The following IL1RAPL1 variants were observed in gnomAD, a reference collection of about 807,000 sequenced individuals.
IL1RAPL1 encodes interleukin-1 receptor accessory protein-like 1.
Under a neutral mutation model 48.4 loss-of-function variants are expected in IL1RAPL1, and 3 were observed. That is an observed-to-expected ratio of 0.06 (90% CI 0.03 to 0.16). IL1RAPL1 has a LOEUF of 0.16. Among genes scored for constraint, IL1RAPL1 ranks in the 10% least tolerant of loss-of-function variants. The probability of loss-of-function intolerance (pLI) is 1.00; values close to 1 mark genes in which losing one functional copy is unlikely to be tolerated. For synonymous variants in IL1RAPL1, 185 were observed against 187.7 expected (o/e 0.99, Z 0.12); for missense variants, 349 against 530.6 (o/e 0.66, Z 3.36).
At chrX:29,367,544 C>CTATT (rs1259527416) in intron 3 of IL1RAPL1, among the ~76,000 whole-genome samples, 17,904 of 96,141 alleles carry the variant, frequency 0.19, 1,327 homozygotes, top group African/African-American at 0.22. Flanking sequence ...AAAAGGGCTT[C>CTATT]TATTTATTTT....
At chrX:28,894,732 A>G (rs1922863508) in intron 2 of IL1RAPL1, among the ~76,000 whole-genome samples, 1 of 110,940 alleles carries the variant, frequency 9.0e-6, no homozygotes, top group Non-Finnish European at 1.9e-5. Flanking sequence ...CTAGGCTAAA[A>G]CAGTAAGGTC....
intron 2 of IL1RAPL1, among the ~76,000 whole-genome samples, chrX:28,960,659 G>A (rs1924744311): frequency 1.8e-5 from 2 of 111,467 alleles, no homozygotes; most frequent in Admixed American, 9.6e-5. Flanking sequence ...CTCCAAAATT[G>A]TTTAGAGTTT....
At chrX:29,915,520 G>C (rs1932790905) in intron 6 of IL1RAPL1, among the ~76,000 whole-genome samples, 1 of 111,214 alleles carries the variant, frequency 9.0e-6, no homozygotes, top group Non-Finnish European at 1.9e-5. Context: ...AGATACTCAT[G>C]CCCTAGTTTA....
At chrX:29,635,934 G>A (rs1274747137) in intron 5 of IL1RAPL1, among the ~76,000 whole-genome samples, 1 of 111,137 alleles carries the variant, frequency 9.0e-6, no homozygotes, top group Non-Finnish European at 1.9e-5. Flanking sequence ...ATCTTAAAAT[G>A]TAATCCCTTC....
intron 2 of IL1RAPL1, among the ~76,000 whole-genome samples, chrX:29,031,022 G>C (rs764603479): frequency 5.4e-5 from 6 of 111,481 alleles, no homozygotes; most frequent in African/African-American, 1.9e-4. Context: ...GATTTTGCAA[G>C]GATAACACTT....
intron 3 of IL1RAPL1, among the ~76,000 whole-genome samples, chrX:29,322,561 G>A (rs982945793): frequency 5.3e-5 from 6 of 112,196 alleles, no homozygotes; most frequent in Non-Finnish European, 1.1e-4. Context: ...CACCACGCCC[G>A]GCTAAGTTCA....
At chrX:28,762,823 CAGAGAGAGAGAGAG>C (rs146402299) in intron 1 of IL1RAPL1, among the ~76,000 whole-genome samples, 178 of 36,770 alleles carry the variant, frequency 4.8e-3, no homozygotes, top group African/African-American at 0.012. Flanking sequence ...CACACACACA[CAGAGAGAGAGAGAG>C]AGAGAGAGAG....
At chrX:29,006,141 G>C (rs192160964) in intron 2 of IL1RAPL1, among the ~76,000 whole-genome samples, 1 of 111,046 alleles carries the variant, frequency 9.0e-6, no homozygotes, top group African/African-American at 3.3e-5. Context: ...TGTGGCCAGT[G>C]AGGAACACCA....
intron 2 of IL1RAPL1, among the ~76,000 whole-genome samples, chrX:29,125,633 A>G (rs1928883218): frequency 9.0e-6 from 1 of 111,369 alleles, no homozygotes. Context: ...TCCCTTTTTC[A>G]CCATTTGCTG....
chrX:28,869,538 A>G (rs1489382238), intron 2 of IL1RAPL1, among the ~76,000 whole-genome samples: 1 of 112,269 alleles, frequency 8.9e-6, no homozygotes, highest in Non-Finnish European at 1.9e-5. Flanking sequence ...AAAGTGGGAT[A>G]TGATAATAAA....
intron 2 of IL1RAPL1, among the ~76,000 whole-genome samples, chrX:28,825,141 G>T (rs1363229627): frequency 8.9e-6 from 1 of 111,779 alleles, no homozygotes; most frequent in African/African-American, 3.2e-5. Flanking sequence ...ACAGAACCTA[G>T]CTCCTTAATG....
In IL1RAPL1 at chrX:29,773,342, T is replaced by TC. The variant is rs781572844; in HGVS notation, c.778+104840dup. 8.0e-5 allele frequency among the ~76,000 whole-genome samples: 9 copies of TC among 111,977 alleles called. No individual in the cohort carries two copies. In the Admixed American group the frequency reaches 8.6e-4, roughly 11 times the overall value. ...ATTCAAGAACTGGCTGTGCTGAACT[T>TC]CCATTGCTACTCTGCCTGTACCCAC... On this transcript the variant is annotated intron_variant, in intron 6 of 10. Transcript: ENST00000378993.
intron 3 of IL1RAPL1, among the ~76,000 whole-genome samples, chrX:29,391,546 GA>G (rs1201800632): frequency 9.0e-6 from 1 of 110,604 alleles, no homozygotes; most frequent in African/African-American, 3.3e-5. Flanking sequence ...GGACTTTAAG[GA>G]CCTAAATTTT....
At chrX:29,948,155 A>G (rs1933247964) in intron 9 of IL1RAPL1, among the ~76,000 whole-genome samples, 1 of 111,418 alleles carries the variant, frequency 9.0e-6, no homozygotes, top group Non-Finnish European at 1.9e-5. Context: ...ATATAGTCCC[A>G]AATGAGTTAT....
intron 5 of IL1RAPL1, among the ~76,000 whole-genome samples, chrX:29,457,008 C>A (rs1289325154): frequency 9.2e-6 from 1 of 108,756 alleles, no homozygotes; most frequent in Admixed American, 1.0e-4. Context: ...GTGGCATGCG[C>A]CTGTGGTCCC....
intron 5 of IL1RAPL1, among the ~76,000 whole-genome samples, chrX:29,527,326 CTT>C (rs61003668): frequency 3.9e-5 from 1 of 25,570 alleles, no homozygotes; most frequent in East Asian, 1.8e-3. Flanking sequence ...GGGAAGGACT[CTT>C]TTTTTTTTTT....
intron 2 of IL1RAPL1, among the ~76,000 whole-genome samples, chrX:29,210,844 T>G (rs1466919866): frequency 8.9e-6 from 1 of 112,313 alleles, no homozygotes; most frequent in Non-Finnish European, 1.9e-5. Context: ...TCTTTGACTC[T>G]GTAGAGAAAG....
intron 2 of IL1RAPL1, among the ~76,000 whole-genome samples, chrX:29,050,192 A>T (rs1236026325): frequency 8.9e-6 from 1 of 111,869 alleles, no homozygotes; most frequent in Admixed American, 9.5e-5. Context: ...AACTATAGGC[A>T]TACACCACAC....
In IL1RAPL1 at chrX:29,711,214, A is replaced by C. The variant is rs187206231; in HGVS notation, c.778+42710A>C. Among the ~76,000 whole-genome samples, 18 of 90,232 alleles carry C rather than the reference A, an allele frequency of 2.0e-4. No homozygotes were observed. In the East Asian group the frequency reaches 6.2e-3, roughly 31 times the overall value. The allele number at this position is 90,232 out of a possible 115,157, so 78.4% of individuals were successfully genotyped here. ...CTTTTTTTTTTTGAGATGGAGTTTCATTCTTGTTGCCCAGGCTGGAGTGCA... is the reference window on the plus strand; with the variant it reads ...CTTTTTTTTTTTGAGATGGAGTTTCCTTCTTGTTGCCCAGGCTGGAGTGCA... On this transcript the variant is annotated intron_variant, in intron 6 of 10. Transcript: ENST00000378993.
Sources: gnomAD v4.1 joint callset for allele counts (sites outside exome capture counted in the v4.1 genomes callset) on GRCh38, gnomAD v4.1.1 for gene constraint, MANE v1.5 for transcripts, NCBI Gene and HGNC (gene_info 2026-07-23, HGNC 2026-07-21) for gene names.